SRGAP1: variants seen among roughly 807,000 people sequenced by gnomAD.
The protein encoded by SRGAP1 is SLIT-ROBO Rho GTPase activating protein 1, also known as SLIT-ROBO Rho GTPase-activating protein 1.
In SRGAP1, 43 loss-of-function variants were observed where a neutral mutation model predicts 121.9. The ratio of observed to expected loss-of-function variants is 0.35; its 90% CI spans 0.28 to 0.46. SRGAP1 has a LOEUF of 0.46. Among genes scored for constraint, SRGAP1 ranks in the 20% least tolerant of loss-of-function variants. SRGAP1 has a pLI of 1.00. For synonymous variants in SRGAP1, 447 were observed against 485.4 expected, an observed-to-expected ratio of 0.92 and a Z score of 1.04; for missense variants, 1,102 against 1,350.9, an observed-to-expected ratio of 0.82 and a Z score of 2.89.
intron 11 of SRGAP1, among the ~76,000 whole-genome samples, chr12:64,089,599 T>C (rs2036010786): frequency 6.6e-6 from 1 of 152,236 alleles, no homozygotes; most frequent in Non-Finnish European, 1.5e-5. Context: ...TGTTTTGTTC[T>C]TTTTACTCCT....
At position 64,091,202 on chromosome 12, in the gene SRGAP1, T is replaced by C. The variant is rs993269426; in HGVS notation, c.1437-74T>C. On this transcript the variant is annotated intron_variant, in intron 11 of 21. Coordinates refer to ENST00000355086, the MANE Select transcript of SRGAP1 (RefSeq NM_020762.4). ...CCCAAGATTCCCGTGTTTTGTAATA[T>C]TGATGTGACCTATAGATGTTTCATT... 6 of 1,056,728 alleles carry C rather than the reference T, an allele frequency of 5.7e-6. No individual in the cohort carries two copies. In the Admixed American group the frequency reaches 1.1e-4, roughly 19 times the overall value. The allele number at this position is 1,056,728 out of a possible 1,614,324, so 65.5% of individuals were successfully genotyped here. A position where few individuals can be genotyped will look rare whatever the true frequency, so the allele number is the denominator to read the frequency against.
At position 63,990,015 on chromosome 12, in the gene SRGAP1, C is replaced by T. The variant is rs1010709699; in HGVS notation, c.369C>T (p.Asn123=). 1 of 1,613,830 alleles carries T rather than the reference C, an allele frequency of 6.2e-7. No homozygotes were observed. Among genetic ancestry groups the T allele is most frequent in the Non-Finnish European group, 8.5e-7 (1 of 1,179,846 alleles). Residue 123 remains asparagine, a synonymous_variant, in exon 3 of 22, where the codon AAC becomes AAT. Transcript: ENST00000355086. ...CAACCTTGAGTGACATCTATCTGAA[C>T]AATGTGATTATGCGGTTCATGCAGA... ...DHATLSDIYL[N]NVIMRFMQIS... is the part of the protein sequence containing the mutation.
At chr12:63,883,851 G>A (rs1424163267) in intron 1 of SRGAP1, among the ~76,000 whole-genome samples, 4 of 150,952 alleles carry the variant, frequency 2.6e-5, no homozygotes, top group Admixed American at 2.0e-4. Flanking sequence ...GTAGAGACGG[G>A]GTTTCACCAT....
chr12:64,115,267 T>C (rs1207510254), intron 17 of SRGAP1, among the ~76,000 whole-genome samples: 2 of 152,220 alleles, frequency 1.3e-5, no homozygotes, highest in South Asian at 4.1e-4. Context: ...TATAATGCTA[T>C]CCATTTTTTA....
intron 11 of SRGAP1, among the ~76,000 whole-genome samples, chr12:64,088,063 C>G (rs789743): frequency 0.6 from 90,981 of 152,046 alleles, 28,659 homozygotes; most frequent in East Asian, 0.79. Flanking sequence ...TGAAATAAGA[C>G]GCATTTAGAA....
chr12:63,906,540 C>T (rs2030219614), intron 1 of SRGAP1, among the ~76,000 whole-genome samples: 1 of 152,124 alleles, frequency 6.6e-6, no homozygotes, highest in African/African-American at 2.4e-5. Context: ...GTCTCAATCT[C>T]CTGACCTCGT....
At chr12:64,066,850 T>C (rs1223149901) in intron 8 of SRGAP1, among the ~76,000 whole-genome samples, 1 of 152,204 alleles carries the variant, frequency 6.6e-6, no homozygotes, top group Non-Finnish European at 1.5e-5. Flanking sequence ...CTGGATCCTA[T>C]TCTATCTACA....
chr12:63,982,052 A>C (rs2033267942), intron 1 of SRGAP1, among the ~76,000 whole-genome samples: 1 of 152,076 alleles, frequency 6.6e-6, no homozygotes, highest in Non-Finnish European at 1.5e-5. Context: ...TCTCTACTAA[A>C]AATATAAAAA....
intron 4 of SRGAP1, among the ~76,000 whole-genome samples, chr12:64,020,947 CA>C (rs11379937): frequency 0.048 from 6,239 of 131,176 alleles, 404 homozygotes; most frequent in African/African-American, 0.16. Context: ...TTCTGTCTCA[CA>C]AAAAAAAAAA....
At chr12:64,119,793 A>C (rs1432753757) in intron 18 of SRGAP1, among the ~76,000 whole-genome samples, 3 of 77,618 alleles carry the variant, frequency 3.9e-5, no homozygotes, top group East Asian at 3.3e-4. Flanking sequence ...TTTTTTTGGC[A>C]GAGTTTTGCT....
chr12:64,031,697 T>G (rs1008083663), intron 4 of SRGAP1, among the ~76,000 whole-genome samples: 1 of 152,198 alleles, frequency 6.6e-6, no homozygotes, highest in South Asian at 2.1e-4. Flanking sequence ...ATATTAAAAT[T>G]CTCTTGAAAG....
chr12:63,949,167 TATATTTTTTCCATATATA>T (rs954249542), intron 1 of SRGAP1, among the ~76,000 whole-genome samples: 1 of 117,222 alleles, frequency 8.5e-6, no homozygotes, highest in Non-Finnish European at 1.8e-5. Context: ...TTTCCATATA[TATATTTTTTCCATATATA>T]TTTTTTTTTC....
intron 1 of SRGAP1, among the ~76,000 whole-genome samples, chr12:63,968,514 C>G (rs1320621436): frequency 1.3e-5 from 2 of 152,160 alleles, no homozygotes; most frequent in African/African-American, 4.8e-5. Context: ...TCTCTTGTTA[C>G]TTTACACCCT....
chr12:63,899,950 C>T (rs989989277), intron 1 of SRGAP1, among the ~76,000 whole-genome samples: 3 of 152,132 alleles, frequency 2.0e-5, no homozygotes, highest in African/African-American at 4.8e-5. Flanking sequence ...GCACTGAACT[C>T]GATGCAGAAG....
intron 15 of SRGAP1, among the ~76,000 whole-genome samples, chr12:64,108,529 T>G (rs1318786536): frequency 2.0e-5 from 3 of 152,186 alleles, no homozygotes; most frequent in African/African-American, 7.2e-5. Flanking sequence ...ATCATAATTA[T>G]AGACAAATAT....
chr12:63,870,437 G>A lies in SRGAP1; in HGVS notation c.67+25554G>A, dbSNP rs546969669. On this transcript the variant is annotated intron_variant, in intron 1 of 21. Coordinates refer to ENST00000355086, the MANE Select transcript of SRGAP1 (RefSeq NM_020762.4). ...TACTCTTGCTAAAATGTAATGCCCTGTTCCTAGGGATAATAAGAATCACTG... is the reference window on the plus strand; with the variant it reads ...TACTCTTGCTAAAATGTAATGCCCTATTCCTAGGGATAATAAGAATCACTG... Among the ~76,000 whole-genome samples, 9 of 151,634 alleles carry A rather than the reference G, an allele frequency of 5.9e-5. No homozygotes were observed. The South Asian group carries it at 1.9e-3, about 32-fold the overall frequency.
At chr12:63,950,302 A>G (rs1352231620) in intron 1 of SRGAP1, among the ~76,000 whole-genome samples, 1 of 152,222 alleles carries the variant, frequency 6.6e-6, no homozygotes, top group Non-Finnish European at 1.5e-5. Flanking sequence ...AGAACTAGAC[A>G]GTTCTTGCTC....
At chr12:64,002,276 A>ACAGAGG (rs2033925139) in intron 3 of SRGAP1, among the ~76,000 whole-genome samples, 1 of 152,218 alleles carries the variant, frequency 6.6e-6, no homozygotes, top group Admixed American at 6.5e-5. Flanking sequence ...AGTGACACCA[A>ACAGAGG]CAGAGGCCTA....
chr12:64,082,661 G>T (rs1476771992), intron 10 of SRGAP1, among the ~76,000 whole-genome samples: 2 of 152,080 alleles, frequency 1.3e-5, no homozygotes, highest in Non-Finnish European at 2.9e-5. Context: ...TGTTGGCCAG[G>T]CTGGTCTCGA....
Sources: allele counts gnomAD v4.1 joint callset (sites outside exome capture counted in the v4.1 genomes callset), GRCh38; gene constraint gnomAD v4.1.1; transcripts MANE v1.5; gene names NCBI Gene and HGNC (gene_info 2026-07-23, HGNC 2026-07-21).